The following CACNA1C variants were observed in gnomAD, a reference collection of about 807,000 sequenced individuals.
The protein encoded by CACNA1C is calcium voltage-gated channel subunit alpha1 C, also known as voltage-dependent L-type calcium channel subunit alpha-1C.
In CACNA1C, 30 loss-of-function variants were observed where a neutral mutation model predicts 229.0. That is an observed-to-expected ratio of 0.13 (90% CI 0.10 to 0.18). The LOEUF is 0.18. Ranked by LOEUF, CACNA1C falls within the 10% of genes least tolerant of loss-of-function variation. The probability of loss-of-function intolerance (pLI) is 1.00; values close to 1 mark genes in which losing one functional copy is unlikely to be tolerated. For missense variants in CACNA1C, 1,658 were observed against 2,845.0 expected, an observed-to-expected ratio of 0.58 and a Z score of 9.49; for synonymous variants, 1,114 against 1,132.5, an observed-to-expected ratio of 0.98 and a Z score of 0.33.
chr12:2,241,291 G>A (rs2154374133), intron 3 of CACNA1C, among the ~76,000 whole-genome samples: 1 of 152,188 alleles, frequency 6.6e-6, no homozygotes, highest in South Asian at 2.1e-4. Flanking sequence ...AAATCATATT[G>A]TCCCCATTTT....
At chr12:2,626,629 T>C (rs1421614529) in intron 29 of CACNA1C, among the ~76,000 whole-genome samples, 1 of 152,190 alleles carries the variant, frequency 6.6e-6, no homozygotes, top group Non-Finnish European at 1.5e-5. Context: ...ACCCTAGTCC[T>C]GGAGGCACCT....
chr12:2,609,397 G>T (rs1459416014), intron 27 of CACNA1C, among the ~76,000 whole-genome samples: 1 of 151,890 alleles, frequency 6.6e-6, no homozygotes, highest in African/African-American at 2.4e-5. Flanking sequence ...GGAGCGCAGC[G>T]TGGTGTGCTC....
At chr12:2,329,730 G>A (rs2096478446) in intron 3 of CACNA1C, among the ~76,000 whole-genome samples, 1 of 152,240 alleles carries the variant, frequency 6.6e-6, no homozygotes, top group Admixed American at 6.5e-5. Flanking sequence ...GTTCACATTA[G>A]AGGAGAATAA....
Position 2,605,026 on chromosome 12 carries a change from T to C in CACNA1C, c.2961-55T>C. 7.7e-7 allele frequency: 1 copy of C among 1,296,348 alleles called. No homozygotes were observed. 80.3% of individuals were successfully genotyped at this position (1,296,348 alleles called of 1,614,324 possible). A position where few individuals can be genotyped will look rare whatever the true frequency, so the allele number is the denominator to read the frequency against. The stretch of plus-strand genomic sequence containing the variant: ...AGGACATTCCCTTACCACATTATTT[T>C]TGCTCCCCCCAGAAACAGGAGGAGC... On this transcript the variant is annotated intron_variant, in intron 22 of 46. Coordinates refer to ENST00000399655, the MANE Select transcript of CACNA1C (RefSeq NM_000719.7). This position sits in a 1 kb window ranked among gnomAD's most constrained non-coding sequence, Gnocchi z 6.2.
Position 2,679,885 on chromosome 12 carries a change from C to T in CACNA1C, c.5444+89C>T, listed in dbSNP as rs2097041971. ...CAGTGGAGGAGACGGAGGCCTCGGC[C>T]AGCCACTTGTCCCTCAAGCTTCCAG... On this transcript the variant is annotated intron_variant, in intron 42 of 46. Coordinates refer to ENST00000399655, the MANE Select transcript of CACNA1C (RefSeq NM_000719.7). This position sits in a 1 kb window ranked among gnomAD's most constrained non-coding sequence, Gnocchi z 5.5. The T allele has an allele frequency of 3.2e-6, 3 of 942,876 alleles. No individual in the cohort carries two copies. The Admixed American group carries it at 8.3e-5, about 26-fold the overall frequency. The allele number at this position is 942,876 out of a possible 1,614,324, so 58.4% of individuals were successfully genotyped here.
chr12:2,512,749 C>A lies in CACNA1C; in HGVS notation c.1218-63C>A. 1 of 1,283,402 alleles carries A rather than the reference C, an allele frequency of 7.8e-7. No individual in the cohort carries two copies. Among genetic ancestry groups the A allele is most frequent in the Non-Finnish European group, 1.1e-6 (1 of 933,656 alleles). 79.5% of individuals were successfully genotyped at this position (1,283,402 alleles called of 1,614,324 possible). A position where few individuals can be genotyped will look rare whatever the true frequency, so the allele number is the denominator to read the frequency against. ...CTCCATCTCTCCTTCCATCCTCGAC[C>A]CTTCTCGGTGCTCCCTCCTTCTCTG... On this transcript the variant is annotated intron_variant, in intron 8 of 46. Coordinates refer to ENST00000399655, the MANE Select transcript of CACNA1C (RefSeq NM_000719.7). The surrounding 1 kb of genome is among the most constrained non-coding windows in gnomAD (Gnocchi z 4.3).
In CACNA1C at chr12:2,162,514, C is replaced by T. The variant is rs902934900; in HGVS notation, c.477+42084C>T. Among the ~76,000 whole-genome samples the T allele has an allele frequency of 4.6e-5, 7 of 151,908 alleles. No homozygotes were observed. In the East Asian group the frequency reaches 9.7e-4, roughly 21 times the overall value. Reference sequence around the variant, plus strand: ...AAAATAAATAAAAGAAGGAGGAGGCCGTGTCTTTGAGGCACAGTAAGCCTG... The same window carrying T: ...AAAATAAATAAAAGAAGGAGGAGGCTGTGTCTTTGAGGCACAGTAAGCCTG... On this transcript the variant is annotated intron_variant, in intron 3 of 46. Coordinates refer to ENST00000399655, the MANE Select transcript of CACNA1C (RefSeq NM_000719.7).
At chr12:2,106,907 C>T (rs1225945393) in intron 1 of CACNA1C, among the ~76,000 whole-genome samples, 46 of 61,908 alleles carry the variant, frequency 7.4e-4, no homozygotes, top group African/African-American at 1.7e-3. Context: ...CACTGGGCGC[C>T]CACCCCGGGG....
At chr12:2,325,652 C>G (rs1020061204) in intron 3 of CACNA1C, among the ~76,000 whole-genome samples, 1 of 152,262 alleles carries the variant, frequency 6.6e-6, no homozygotes, top group African/African-American at 2.4e-5. Context: ...TTCAGCAGGA[C>G]CATCAATAAA....
chr12:2,472,572 A>T (rs376163007), intron 5 of CACNA1C, among the ~76,000 whole-genome samples: 1 of 152,032 alleles, frequency 6.6e-6, no homozygotes, highest in Non-Finnish European at 1.5e-5. Context: ...ATATGTATCT[A>T]TATATGGATA....
chr12:2,126,320 C>T (rs930204076), intron 3 of CACNA1C, among the ~76,000 whole-genome samples: 1 of 152,146 alleles, frequency 6.6e-6, no homozygotes, highest in African/African-American at 2.4e-5. Flanking sequence ...GGCAATGCCA[C>T]CTCTATGCAG....
At chr12:2,586,323 G>A (rs2062440943) in intron 18 of CACNA1C, among the ~76,000 whole-genome samples, 1 of 152,196 alleles carries the variant, frequency 6.6e-6, no homozygotes, top group Non-Finnish European at 1.5e-5. Flanking sequence ...TGCAGGGACA[G>A]CTGCCACCAC....
At position 2,067,080 on chromosome 12, in the gene CACNA1C, A is replaced by G. The variant is rs1199292407; in HGVS notation, c.49+13469A>G. 6.6e-6 allele frequency among the ~76,000 whole-genome samples: 1 copy of G among 152,134 alleles called. No homozygotes were observed. The highest frequency in any genetic ancestry group is 1.5e-5 in the Non-Finnish European group (1 of 68,006). ...AGGAGTGATTGGCATTCCTAGAGAA[A>G]GCTTCCCCAGAAATGAATTTGGCAA... On this transcript the variant is annotated intron_variant, in intron 1 of 46. Transcript: ENST00000399655. This position sits in a 1 kb window ranked among gnomAD's most constrained non-coding sequence, Gnocchi z 5.3.
At chr12:2,567,496 A>G in intron 12 of CACNA1C, 73 bp from the exon 13 acceptor site, 1 of 889,238 alleles carries the variant, frequency 1.1e-6, no homozygotes, top group Non-Finnish European at 1.7e-6. Flanking sequence ...TAATTACTGT[A>G]TTTCCTTTCC....
In CACNA1C at chr12:2,037,703, C is replaced by T. The variant is rs181623016; in HGVS notation, c.139+66502C>T. ...ATTGTGTCCCACTGGAGGAACAGCA[C>T]GAAGTTCTGAAGATACTTGTGCCTT... On this transcript the variant is annotated intron_variant, in intron 1 of 46. Coordinates refer to the CACNA1C transcript ENST00000682462. 1.2e-3 allele frequency among the ~76,000 whole-genome samples: 184 copies of T among 152,288 alleles called. 1 individual carries two copies. The highest frequency in any genetic ancestry group is 2.3e-3 in the Non-Finnish European group (155 of 68,026).
chr12:2,489,483 A>G (rs1445059425), intron 6 of CACNA1C, among the ~76,000 whole-genome samples: 3 of 152,128 alleles, frequency 2.0e-5, no homozygotes, highest in Admixed American at 2.0e-4. Context: ...TCCTCAACAG[A>G]CACATCACCA....
At chr12:2,316,784 G>A (rs1418301725) in intron 3 of CACNA1C, among the ~76,000 whole-genome samples, 3 of 152,212 alleles carry the variant, frequency 2.0e-5, no homozygotes, top group Non-Finnish European at 4.4e-5. Context: ...CTGTGCGGGT[G>A]TGTCCTATGA....
Position 2,294,821 on chromosome 12 carries a change from A to G in CACNA1C, c.478-154155A>G, listed in dbSNP as rs534527612. Among the ~76,000 whole-genome samples, 3 of 152,278 alleles carry G rather than the reference A, an allele frequency of 2.0e-5. No individual in the cohort carries two copies. In the South Asian group the frequency reaches 6.2e-4, roughly 32 times the overall value. On this transcript the variant is annotated intron_variant, in intron 3 of 46. Coordinates refer to ENST00000399655, the MANE Select transcript of CACNA1C (RefSeq NM_000719.7). ...GTAGTCAAGGCAGCTTTCACCACAG[A>G]TCAAGCAAGAGAGTTGGCAGTAGGT...
intron 8 of CACNA1C, among the ~76,000 whole-genome samples, chr12:2,505,971 C>T (rs1468530709): frequency 1.3e-5 from 2 of 152,104 alleles, no homozygotes; most frequent in Non-Finnish European, 2.9e-5. Context: ...AAAGATTGCT[C>T]TCCACTTTCC....
Sources: gnomAD v4.1 joint callset for allele counts (sites outside exome capture counted in the v4.1 genomes callset) on GRCh38, gnomAD v4.1.1 for gene constraint, Gnocchi (gnomAD v3.1) non-coding constraint, MANE v1.5 for transcripts, NCBI Gene and HGNC (gene_info 2026-07-23, HGNC 2026-07-21) for gene names.